The following HLCS variants were observed in gnomAD, a reference collection of about 807,000 sequenced individuals.
HLCS encodes the protein biotin--protein ligase.
In HLCS, 53 loss-of-function variants were observed where a neutral mutation model predicts 75.0. The ratio of observed to expected loss-of-function variants is 0.71; its 90% CI spans 0.57 to 0.89. HLCS has a LOEUF of 0.89. Among genes scored for constraint, HLCS ranks in the 40% least tolerant of loss-of-function variants. The pLI is 0.00. For synonymous variants in HLCS, 431 were observed against 428.6 expected (o/e 1.01, Z -0.07); for missense variants, 966 against 1,074.0 (o/e 0.90, Z 1.41).
At chr21:36,820,429 C>T (rs923228909) in intron 6 of HLCS, among the ~76,000 whole-genome samples, 2 of 152,232 alleles carry the variant, frequency 1.3e-5, no homozygotes, top group African/African-American at 4.8e-5. Context: ...CCCCCTCCCC[C>T]ACAGGCTCAG....
intron 6 of HLCS, among the ~76,000 whole-genome samples, chr21:36,803,557 T>G (rs1413865753): frequency 6.6e-6 from 1 of 152,178 alleles, no homozygotes; most frequent in Non-Finnish European, 1.5e-5. Context: ...GGCATTCCCT[T>G]ACAGAGCTCA....
At chr21:36,970,959 A>G (rs2068770834), upstream of HLCS, among the ~76,000 whole-genome samples, 1 of 150,326 alleles carries the variant, frequency 6.7e-6, no homozygotes, top group African/African-American at 2.4e-5. Flanking sequence ...GCGCCACTGC[A>G]CTCCAGCCTG....
intron 6 of HLCS, among the ~76,000 whole-genome samples, chr21:36,843,889 T>C (rs2062705190): frequency 1.3e-5 from 2 of 152,072 alleles, no homozygotes; most frequent in Non-Finnish European, 2.9e-5. Context: ...GCACTTGTAG[T>C]ACCAGCTGTT....
At chr21:36,856,709 T>G (rs2063207418) in intron 6 of HLCS, among the ~76,000 whole-genome samples, 1 of 151,998 alleles carries the variant, frequency 6.6e-6, no homozygotes, top group Non-Finnish European at 1.5e-5. Flanking sequence ...AATGTCCAAA[T>G]AGCACCCACC....
chr21:36,923,349 T>C (rs993241224), intron 5 of HLCS, among the ~76,000 whole-genome samples: 2 of 152,006 alleles, frequency 1.3e-5, no homozygotes, highest in African/African-American at 4.8e-5. Flanking sequence ...AAAGAGGCCG[T>C]TTCCCATCCA....
chr21:36,804,895 G>A (rs377615996), intron 6 of HLCS, among the ~76,000 whole-genome samples: 1 of 152,162 alleles, frequency 6.6e-6, no homozygotes, highest in Non-Finnish European at 1.5e-5. Context: ...CAATCCTGGC[G>A]TCCAATTCTA....
intron 6 of HLCS, among the ~76,000 whole-genome samples, chr21:36,824,594 AAAAC>A (rs752325607): frequency 1.3e-5 from 2 of 152,184 alleles, no homozygotes; most frequent in Admixed American, 6.5e-5. Context: ...CTTAAAGCAA[AAAAC>A]AAACAAACAA....
At chr21:36,787,858 T>A (rs1360158691) in intron 6 of HLCS, among the ~76,000 whole-genome samples, 1 of 152,084 alleles carries the variant, frequency 6.6e-6, no homozygotes, top group African/African-American at 2.4e-5. Context: ...TATTTACTGT[T>A]CCCTGGCTGA....
intron 6 of HLCS, among the ~76,000 whole-genome samples, chr21:36,878,372 T>C (rs2064068743): frequency 6.6e-6 from 1 of 152,162 alleles, no homozygotes. Context: ...CATTGTGAAC[T>C]AGACAGAAGC....
rs1330131454 is a variant in HLCS at position 36,936,585 on chromosome 21, C to G, written c.1301G>C (p.Ser434Thr). The change falls in exon 4 of 11, where the codon AGT (serine) becomes ACT (threonine). Residue 434 changes from serine to threonine, a missense_variant. Transcript: ENST00000674895. ...GGGGCCTTCCTGGTACCTGCAGCCA[C>G]TGCTCAAGACGCTGAGCTTCACCTC... ...QSEVKLSVLS[S>T]GCRYQEGPVR... The G allele has an allele frequency of 6.2e-7, 1 of 1,614,136 alleles. No homozygotes were observed. Among genetic ancestry groups the G allele is most frequent in the South Asian group, 1.1e-5 (1 of 91,092 alleles).
intron 8 of HLCS, among the ~76,000 whole-genome samples, chr21:36,761,217 A>G (rs867206396): frequency 6.6e-6 from 1 of 152,236 alleles, no homozygotes; most frequent in Non-Finnish European, 1.5e-5. Flanking sequence ...CTGAGGTTAT[A>G]GCACTTGAAA....
At chr21:36,763,544 A>G (rs764678914) in intron 8 of HLCS, among the ~76,000 whole-genome samples, 6 of 152,186 alleles carry the variant, frequency 3.9e-5, no homozygotes, top group Non-Finnish European at 7.4e-5. Context: ...CAAATACATC[A>G]CAGAGGGATT....
intron 1 of HLCS, among the ~76,000 whole-genome samples, chr21:36,977,289 C>G (rs1236959807): frequency 2.6e-5 from 4 of 152,108 alleles, no homozygotes; most frequent in Non-Finnish European, 5.9e-5. Flanking sequence ...TCCTGCCTAT[C>G]AGACAGGCCC....
At chr21:36,872,943 C>T (rs542637157) in intron 6 of HLCS, among the ~76,000 whole-genome samples, 7 of 152,022 alleles carry the variant, frequency 4.6e-5, no homozygotes, top group South Asian at 2.1e-4. Flanking sequence ...TTCCCACCAA[C>T]GATGTTCAGA....
chr21:36,900,162 C>A (rs1381210543), intron 5 of HLCS, among the ~76,000 whole-genome samples: 1 of 151,784 alleles, frequency 6.6e-6, no homozygotes, highest in African/African-American at 2.4e-5. Context: ...ACAGTAAACA[C>A]AATACACAGA....
chr21:36,953,770 TATA>T (rs2067782945), intron 2 of HLCS, among the ~76,000 whole-genome samples: 1 of 152,094 alleles, frequency 6.6e-6, no homozygotes, highest in Non-Finnish European at 1.5e-5. Context: ...TAAATTTATA[TATA>T]ATATTAGAAT....
intron 6 of HLCS, among the ~76,000 whole-genome samples, chr21:36,823,610 G>GGGGT (rs372824950): frequency 0.025 from 3,314 of 132,816 alleles, 71 homozygotes; most frequent in African/African-American, 0.051. Context: ...AAACGTGCAG[G>GGGGT]GTGTGTGTGT....
At chr21:36,946,195 C>T (rs951246161) in intron 2 of HLCS, 1 of 583,102 alleles carries the variant, frequency 1.7e-6, no homozygotes, top group African/African-American at 2.0e-5. Flanking sequence ...TTAGACATTA[C>T]AACAGTTTGT....
intron 7 of HLCS, 123 bp downstream of exon 7, chr21:36,767,095 A>G (rs1395304821): frequency 1.1e-6 from 1 of 938,522 alleles, no homozygotes; most frequent in African/African-American, 1.6e-5. Context: ...GGTTATGAAA[A>G]CAGAATCTAC....
Sources: allele counts gnomAD v4.1 joint callset (sites outside exome capture counted in the v4.1 genomes callset), GRCh38; gene constraint gnomAD v4.1.1; transcripts MANE v1.5; gene names NCBI Gene and HGNC (gene_info 2026-07-23, HGNC 2026-07-21).